ENOX1: variants seen among roughly 807,000 people sequenced by gnomAD.
The protein encoded by ENOX1 is ecto-NOX disulfide-thiol exchanger 1, also known as candidate growth-related and time keeping constitutive hydroquinone (NADH) oxidase.
ENOX1 carries 42 observed loss-of-function variants against 82.5 expected under a neutral mutation model. That is an observed-to-expected ratio of 0.51 (90% CI 0.40 to 0.66). ENOX1 has a LOEUF of 0.66. Ranked by LOEUF, ENOX1 falls within the 30% of genes least tolerant of loss-of-function variation. The pLI, the probability that ENOX1 is intolerant of heterozygous loss-of-function variation, is 0.00. For missense variants in ENOX1, 608 were observed against 811.6 expected (o/e 0.75, Z 3.05); for synonymous variants, 271 against 282.2 (o/e 0.96, Z 0.40).
At chr13:43,680,927 T>C (rs2085752976) in intron 1 of ENOX1, among the ~76,000 whole-genome samples, 1 of 152,028 alleles carries the variant, frequency 6.6e-6, no homozygotes, top group Admixed American at 6.6e-5. Flanking sequence ...CAGAGAGATA[T>C]AGAGATAGCA....
chr13:43,296,169 C>T (rs1200454454), intron 12 of ENOX1, among the ~76,000 whole-genome samples: 1 of 152,194 alleles, frequency 6.6e-6, no homozygotes, highest in Non-Finnish European at 1.5e-5. Flanking sequence ...AGCCCCAAAT[C>T]CAAATGTTGA....
chr13:43,704,938 G>A (rs2087155912), intron 1 of ENOX1, among the ~76,000 whole-genome samples: 1 of 151,974 alleles, frequency 6.6e-6, no homozygotes, highest in Non-Finnish European at 1.5e-5. Flanking sequence ...CTTATTTGAA[G>A]AACTATTTTC....
chr13:43,540,484 A>T (rs2078658724), intron 2 of ENOX1, among the ~76,000 whole-genome samples: 1 of 152,084 alleles, frequency 6.6e-6, no homozygotes, highest in South Asian at 2.1e-4. Flanking sequence ...GCATGATAAG[A>T]CTCCCAAGAT....
At chr13:43,447,451 AG>A (rs374229701) in intron 3 of ENOX1, among the ~76,000 whole-genome samples, 1 of 152,126 alleles carries the variant, frequency 6.6e-6, no homozygotes, top group African/African-American at 2.4e-5. Context: ...AGAGTATGGA[AG>A]TCTATCAGAT....
intron 2 of ENOX1, among the ~76,000 whole-genome samples, chr13:43,561,857 A>G (rs1379148025): frequency 6.6e-6 from 1 of 152,056 alleles, no homozygotes; most frequent in Non-Finnish European, 1.5e-5. Context: ...GTGTACATCT[A>G]TAGTACCAGG....
intron 2 of ENOX1, among the ~76,000 whole-genome samples, chr13:43,487,922 G>A (rs149895199): frequency 2.0e-5 from 3 of 152,006 alleles, no homozygotes; most frequent in African/African-American, 7.2e-5. Flanking sequence ...CTTATTTCCC[G>A]CATATTCGGG....
chr13:43,550,980 C>T (rs970966060), intron 2 of ENOX1, among the ~76,000 whole-genome samples: 2 of 152,100 alleles, frequency 1.3e-5, no homozygotes, highest in African/African-American at 4.8e-5. Context: ...GAGAGCAAAA[C>T]CCTGGTGTCA....
At chr13:43,290,932 C>T (rs1485009149) in intron 12 of ENOX1, among the ~76,000 whole-genome samples, 2 of 152,082 alleles carry the variant, frequency 1.3e-5, no homozygotes, top group African/African-American at 2.4e-5. Flanking sequence ...GAGGCTGAGA[C>T]AAGAGAATCA....
chr13:43,387,158 C>T (rs983807097), intron 5 of ENOX1, among the ~76,000 whole-genome samples: 3 of 152,142 alleles, frequency 2.0e-5, no homozygotes, highest in South Asian at 2.1e-4. Context: ...AGCTTACCTC[C>T]CAGTGAGGAT....
chr13:43,221,699 A>G lies in ENOX1; in HGVS notation c.1800+2354T>C, dbSNP rs189577508. On this transcript the variant is annotated intron_variant, in intron 16 of 16. Transcript: ENST00000690772. ...GGAAAATAGCTTATTATTGGGCTAC[A>G]TGGTTTTAGGAAGCCATGTGCAATG... Among the ~76,000 whole-genome samples, 209 of 152,342 alleles carry G rather than the reference A, an allele frequency of 1.4e-3. 3 individuals carry two copies. The highest frequency in any genetic ancestry group is 3.4e-3 in the Middle Eastern group (1 of 294).
rs935593866 is a variant in ENOX1, at chr13:43,306,229, G to C, written c.1262-7699C>G. Among the ~76,000 whole-genome samples, 3 of 152,206 alleles carry C rather than the reference G, an allele frequency of 2.0e-5. No homozygotes were observed. In the East Asian group the frequency reaches 5.8e-4, roughly 29 times the overall value. ...ACACTGCTTTACCAAAAGATTCGGC[G>C]ATCTCCAGGAGGATGTGCCATGGCT... On this transcript the variant is annotated intron_variant, in intron 11 of 16. Transcript: ENST00000690772.
At chr13:43,585,014 T>C (rs189812990) in intron 2 of ENOX1, among the ~76,000 whole-genome samples, 20 of 152,290 alleles carry the variant, frequency 1.3e-4, no homozygotes, top group African/African-American at 4.8e-4. Flanking sequence ...CCCATAATCT[T>C]TGAATATGCT....
chr13:43,539,890 A>G (rs2078634285), intron 2 of ENOX1, among the ~76,000 whole-genome samples: 1 of 151,924 alleles, frequency 6.6e-6, no homozygotes, highest in Non-Finnish European at 1.5e-5. Flanking sequence ...AAGCTTTCAC[A>G]CTTGTAAAAT....
intron 2 of ENOX1, among the ~76,000 whole-genome samples, chr13:43,591,819 A>G (rs1260087884): frequency 6.6e-6 from 1 of 152,194 alleles, no homozygotes; most frequent in Admixed American, 6.5e-5. Flanking sequence ...ATACTGCCAA[A>G]GGAGTATGTG....
intron 15 of ENOX1, among the ~76,000 whole-genome samples, chr13:43,227,337 T>C (rs1593428066): frequency 1.3e-5 from 2 of 152,356 alleles, no homozygotes; most frequent in Non-Finnish European, 1.5e-5. Flanking sequence ...AGTCTTTGTG[T>C]GTTCTGGTTC....
intron 3 of ENOX1, among the ~76,000 whole-genome samples, chr13:43,422,921 C>A (rs2055060404): frequency 6.6e-6 from 1 of 152,050 alleles, no homozygotes. Context: ...GTATAAAGTG[C>A]CCCTCTTTCC....
chr13:43,453,718 G>C (rs1331830751), intron 3 of ENOX1, among the ~76,000 whole-genome samples: 1 of 152,216 alleles, frequency 6.6e-6, no homozygotes, highest in African/African-American at 2.4e-5. Context: ...AAGTGTTCAA[G>C]GGATGGAGGT....
chr13:43,674,927 A>G (rs2085436205), intron 1 of ENOX1, among the ~76,000 whole-genome samples: 1 of 152,180 alleles, frequency 6.6e-6, no homozygotes, highest in Non-Finnish European at 1.5e-5. Context: ...TAAAATCCTT[A>G]AAGTATAAAA....
intron 1 of ENOX1, among the ~76,000 whole-genome samples, chr13:43,697,975 G>A (rs138951156): frequency 6.6e-6 from 1 of 152,256 alleles, no homozygotes; most frequent in East Asian, 1.9e-4. Context: ...GAAAGGATAG[G>A]GCCTTGCAGT....
Sources: gnomAD v4.1 joint callset for allele counts (sites outside exome capture counted in the v4.1 genomes callset) on GRCh38, gnomAD v4.1.1 for gene constraint, MANE v1.5 for transcripts, NCBI Gene and HGNC (gene_info 2026-07-23, HGNC 2026-07-21) for gene names.